SVIL: variants seen among roughly 807,000 people sequenced by gnomAD.
The protein encoded by SVIL is supervillin, also known as archvillin.
In SVIL, 101 loss-of-function variants were observed where a neutral mutation model predicts 240.4. The observed-to-expected ratio is 0.42, with a 90% CI of 0.36 to 0.50. The LOEUF (loss-of-function observed/expected upper bound fraction) is 0.50. Ranked by LOEUF, SVIL falls within the 20% of genes least tolerant of loss-of-function variation. SVIL has a pLI of 0.01. For synonymous variants in SVIL, 999 were observed against 1,100.0 expected (o/e 0.91, Z 1.82); for missense variants, 2,512 against 2,818.7 (o/e 0.89, Z 2.46).
At chr10:29,731,104 T>C (rs1277276913) in intron 1 of SVIL, among the ~76,000 whole-genome samples, 15 of 152,232 alleles carry the variant, frequency 9.9e-5, no homozygotes, top group Admixed American at 9.8e-4. Context: ...ACTCTGGCTT[T>C]ATTTGAGCTG....
At chr10:29,498,112 A>AAAG (rs1948599940) in intron 18 of SVIL, among the ~76,000 whole-genome samples, 4 of 148,992 alleles carry the variant, frequency 2.7e-5, no homozygotes, top group Non-Finnish European at 5.9e-5. Context: ...AAAAAAAAAA[A>AAAG]AAAAAGAAAA....
chr10:29,706,416 C>CT (rs1232302159), intron 1 of SVIL, among the ~76,000 whole-genome samples: 1 of 152,168 alleles, frequency 6.6e-6, no homozygotes, highest in African/African-American at 2.4e-5. Flanking sequence ...TAATGTCAAG[C>CT]TTTTTTTCAT....
intron 2 of SVIL, among the ~76,000 whole-genome samples, chr10:29,675,975 C>T (rs1467377470): frequency 6.6e-6 from 1 of 152,180 alleles, no homozygotes; most frequent in Non-Finnish European, 1.5e-5. Context: ...TATCACAGAG[C>T]TGAAACTTAC....
At chr10:29,628,860 A>T (rs1457503227) in intron 1 of SVIL, among the ~76,000 whole-genome samples, 1 of 152,188 alleles carries the variant, frequency 6.6e-6, no homozygotes, top group Non-Finnish European at 1.5e-5. Context: ...ACAGAAAATG[A>T]TTTTTAAAAT....
chr10:29,604,065 C>T (rs907998854), intron 1 of SVIL, among the ~76,000 whole-genome samples: 6 of 152,156 alleles, frequency 3.9e-5, no homozygotes, highest in South Asian at 2.1e-4. Flanking sequence ...CCATGTCCAT[C>T]GCTTCCTTTT....
chr10:29,555,821 C>A (rs1564633758), intron 3 of SVIL, among the ~76,000 whole-genome samples: 1 of 152,188 alleles, frequency 6.6e-6, no homozygotes, highest in Non-Finnish European at 1.5e-5. Context: ...AAGCTACAAG[C>A]ATGAACTCAC....
intron 1 of SVIL, among the ~76,000 whole-genome samples, chr10:29,616,533 T>C (rs1483649656): frequency 6.6e-6 from 1 of 152,212 alleles, no homozygotes; most frequent in Non-Finnish European, 1.5e-5. Flanking sequence ...TGCACTGATA[T>C]TTTTTATGTA....
In SVIL at chr10:29,473,934, G is replaced by A. The variant is rs770649851; in HGVS notation, c.5433C>T (p.Cys1811=). 5.0e-5 allele frequency: 81 copies of A among 1,613,890 alleles called. 1 individual carries two copies. The Admixed American group carries it at 1.2e-3, about 24-fold the overall frequency. ...HSVRAAGKEK[C]VYFFWQGRHS... is the part of the protein sequence containing the mutation. Reference sequence around the variant, plus strand: ...GCCGGCCTTGCCAGAAGAAGTAGACGCACTTCTCTTTGCCGGCTGCCCTCA... The same window carrying A: ...GCCGGCCTTGCCAGAAGAAGTAGACACACTTCTCTTTGCCGGCTGCCCTCA... The change falls in exon 30 of 38, where the codon TGC becomes TGT. Residue 1811 remains cysteine, a synonymous_variant. Transcript: ENST00000355867.
At chr10:29,481,491 A>G (rs761529584) in intron 28 of SVIL, 93 bp downstream of exon 28, 122 of 1,510,730 alleles carry the variant, frequency 8.1e-5, no homozygotes, top group Middle Eastern at 1.7e-4. Context: ...TGACAGCCAT[A>G]CGAACTATCC....
intron 21 of SVIL, among the ~76,000 whole-genome samples, chr10:29,492,142 A>C (rs1489151139): frequency 6.6e-6 from 1 of 151,808 alleles, no homozygotes. Context: ...AAACCACCTC[A>C]CTGCACCCCC....
At chr10:29,576,162 GC>G (rs1955686348) in intron 1 of SVIL, 1 of 979,382 alleles carries the variant, frequency 1.0e-6, no homozygotes, top group African/African-American at 1.8e-5. Context: ...TGTGAACGAT[GC>G]CAATGGTAAA....
At chr10:29,534,452 A>G (rs1258408204) in intron 7 of SVIL, among the ~76,000 whole-genome samples, 1 of 152,208 alleles carries the variant, frequency 6.6e-6, no homozygotes, top group African/African-American at 2.4e-5. Flanking sequence ...GCAGTGAGCT[A>G]TGATTGTACA....
chr10:29,731,720 T>C (rs1964632829), intron 1 of SVIL, among the ~76,000 whole-genome samples: 1 of 152,224 alleles, frequency 6.6e-6, no homozygotes, highest in Non-Finnish European at 1.5e-5. Context: ...TGACAGACTA[T>C]ATCTGGAATA....
intron 3 of SVIL, among the ~76,000 whole-genome samples, chr10:29,559,116 C>T (rs972153769): frequency 4.6e-5 from 7 of 151,736 alleles, no homozygotes; most frequent in Non-Finnish European, 8.8e-5. Context: ...TATGTTGTAA[C>T]GCTGTTGTTT....
At chr10:29,620,322 A>T (rs564115543) in intron 1 of SVIL, among the ~76,000 whole-genome samples, 1 of 152,082 alleles carries the variant, frequency 6.6e-6, no homozygotes, top group African/African-American at 2.4e-5. Flanking sequence ...GGAAAAGAAA[A>T]GAAAGAAAAG....
chr10:29,656,730 A>T (rs2488686), intron 3 of SVIL, among the ~76,000 whole-genome samples: 38,173 of 152,034 alleles, frequency 0.25, 4,849 homozygotes, highest in East Asian at 0.29. Context: ...AGTTTTGGTC[A>T]GTCAGAGAGA....
intron 6 of SVIL, among the ~76,000 whole-genome samples, chr10:29,541,918 A>T (rs1952192305): frequency 1.3e-5 from 2 of 152,186 alleles, no homozygotes; most frequent in Admixed American, 6.5e-5. Flanking sequence ...GACCACATAC[A>T]AGAACCCCAA....
intron 2 of SVIL, among the ~76,000 whole-genome samples, chr10:29,680,316 T>C (rs1201920871): frequency 6.6e-6 from 1 of 152,158 alleles, no homozygotes; most frequent in Non-Finnish European, 1.5e-5. Flanking sequence ...GCTAGCTTCT[T>C]GGAGGAGGCA....
chr10:29,726,110 T>C (rs71491403), intron 1 of SVIL, among the ~76,000 whole-genome samples: 2 of 151,964 alleles, frequency 1.3e-5, no homozygotes, highest in Non-Finnish European at 2.9e-5. Flanking sequence ...TTTGTAGAGA[T>C]GGGGTCTTAC....
Sources: gnomAD v4.1 joint callset for allele counts (sites outside exome capture counted in the v4.1 genomes callset) on GRCh38, gnomAD v4.1.1 for gene constraint, MANE v1.5 for transcripts, NCBI Gene and HGNC (gene_info 2026-07-23, HGNC 2026-07-21) for gene names.